The following PARD3B variants were observed in gnomAD, a reference collection of about 807,000 sequenced individuals.
PARD3B encodes partitioning defective 3 homolog B.
PARD3B carries 103 observed loss-of-function variants against 130.2 expected under a neutral mutation model. That is an observed-to-expected ratio of 0.79 (90% CI 0.67 to 0.93). The LOEUF is 0.93. PARD3B is among the 40% of genes least tolerant of loss of function. The pLI is 0.00. For synonymous variants in PARD3B, 583 were observed against 553.2 expected, an observed-to-expected ratio of 1.05 and a Z score of -0.76; for missense variants, 1,609 against 1,499.2, an observed-to-expected ratio of 1.07 and a Z score of -1.21.
At chr2:205,560,243 T>C (rs2106518618) in intron 22 of PARD3B, among the ~76,000 whole-genome samples, 1 of 152,346 alleles carries the variant, frequency 6.6e-6, no homozygotes, top group East Asian at 1.9e-4. Context: ...TATTTCTTAC[T>C]AAAATATAAG....
chr2:204,556,610 C>T (rs892200869), intron 1 of PARD3B, among the ~76,000 whole-genome samples: 4 of 152,208 alleles, frequency 2.6e-5, no homozygotes, highest in Non-Finnish European at 5.9e-5. Flanking sequence ...AAAAGTTGAG[C>T]GTAGCCTGGA....
At chr2:204,630,989 C>T (rs2034659342) in intron 1 of PARD3B, among the ~76,000 whole-genome samples, 1 of 151,870 alleles carries the variant, frequency 6.6e-6, no homozygotes, top group Non-Finnish European at 1.5e-5. Context: ...GTTATTTCTG[C>T]TAGCTTTGGG....
At chr2:204,862,236 G>A (rs565478209) in intron 2 of PARD3B, among the ~76,000 whole-genome samples, 1 of 152,250 alleles carries the variant, frequency 6.6e-6, no homozygotes, top group East Asian at 1.9e-4. Context: ...AAGTGCAGTG[G>A]AAACCTCTGG....
intron 2 of PARD3B, among the ~76,000 whole-genome samples, chr2:204,828,169 G>C (rs534360418): frequency 1.3e-5 from 2 of 152,144 alleles, no homozygotes; most frequent in Non-Finnish European, 2.9e-5. Context: ...TATTTCTGAT[G>C]CATCACAGTT....
chr2:205,610,641 G>A (rs979898001), intron 22 of PARD3B, among the ~76,000 whole-genome samples: 1 of 152,082 alleles, frequency 6.6e-6, no homozygotes. Flanking sequence ...GTACTCTGTA[G>A]GGCAACAGAG....
chr2:205,214,112 A>G (rs1226800796), intron 15 of PARD3B, among the ~76,000 whole-genome samples: 1 of 151,946 alleles, frequency 6.6e-6, no homozygotes, highest in East Asian at 1.9e-4. Context: ...CTCAAGAAGT[A>G]TGTGTTTTTA....
intron 2 of PARD3B, among the ~76,000 whole-genome samples, chr2:204,912,543 C>T (rs1286192234): frequency 1.3e-5 from 2 of 151,968 alleles, no homozygotes; most frequent in South Asian, 2.1e-4. Flanking sequence ...TTTAAAAGTG[C>T]GAAGTATACA....
chr2:204,928,860 C>G (rs1486180190), intron 2 of PARD3B, among the ~76,000 whole-genome samples: 2 of 152,108 alleles, frequency 1.3e-5, no homozygotes, highest in African/African-American at 4.8e-5. Context: ...AGCTGACCAA[C>G]TGACAAAATG....
chr2:204,654,763 A>G (rs984915421), intron 1 of PARD3B, among the ~76,000 whole-genome samples: 1 of 152,204 alleles, frequency 6.6e-6, no homozygotes, highest in African/African-American at 2.4e-5. Context: ...ATTTTGAAGC[A>G]TAATACTCAC....
At chr2:204,777,485 C>T (rs1026022037) in intron 2 of PARD3B, among the ~76,000 whole-genome samples, 5 of 152,166 alleles carry the variant, frequency 3.3e-5, no homozygotes, top group Admixed American at 3.3e-4. Flanking sequence ...AGATCATCAT[C>T]CTTCCAGGCA....
intron 10 of PARD3B, among the ~76,000 whole-genome samples, chr2:205,127,850 ACTTT>A (rs2031613193): frequency 6.6e-6 from 1 of 152,176 alleles, no homozygotes; most frequent in African/African-American, 2.4e-5. Context: ...ATCTCCTCAC[ACTTT>A]CTAGAGAAAT....
At chr2:204,629,491 C>T (rs542093837) in intron 1 of PARD3B, among the ~76,000 whole-genome samples, 1 of 152,286 alleles carries the variant, frequency 6.6e-6, no homozygotes, top group South Asian at 2.1e-4. Context: ...ATGATTACTG[C>T]TTCCATTTCT....
At chr2:204,706,317 A>G (rs541241752) in intron 2 of PARD3B, among the ~76,000 whole-genome samples, 26 of 151,748 alleles carry the variant, frequency 1.7e-4, no homozygotes, top group East Asian at 1.2e-3. Context: ...CAGTGAGCTA[A>G]GATCGCACCA....
chr2:204,741,429 G>A (rs1223660354), intron 2 of PARD3B, among the ~76,000 whole-genome samples: 2 of 152,056 alleles, frequency 1.3e-5, no homozygotes. Flanking sequence ...TGAACCAACA[G>A]AAATGTGTTA....
rs1340467451 is a variant in PARD3B, at chr2:205,458,701, TG to T, written c.3044+18030del. On this transcript the variant is annotated intron_variant, in intron 20 of 22. Transcript: ENST00000406610. The surrounding 1 kb of genome is among the most constrained non-coding windows in gnomAD (Gnocchi z 4.8). Reference sequence around the variant, plus strand: ...AATGTCACTATCTGAACTGTGGGTCTGTTCATATTGTTTGATTTTCTTCTTC... The same window carrying T: ...AATGTCACTATCTGAACTGTGGGTCTTTCATATTGTTTGATTTTCTTCTTC... 6.6e-6 allele frequency among the ~76,000 whole-genome samples: 1 copy of T among 152,214 alleles called. No individual in the cohort carries two copies. The highest frequency in any genetic ancestry group is 1.5e-5 in the Non-Finnish European group (1 of 68,040).
intron 1 of PARD3B, among the ~76,000 whole-genome samples, chr2:204,633,994 A>G (rs2034784822): frequency 6.6e-6 from 1 of 152,146 alleles, no homozygotes; most frequent in Non-Finnish European, 1.5e-5. Context: ...AAACAATACA[A>G]TTACACTCTT....
At chr2:205,210,377 C>G (rs1264760546) in intron 15 of PARD3B, among the ~76,000 whole-genome samples, 1 of 151,986 alleles carries the variant, frequency 6.6e-6, no homozygotes, top group Non-Finnish European at 1.5e-5. Flanking sequence ...AACAGTCTAA[C>G]CTAAACATTG....
At chr2:204,975,492 G>A (rs1692066465) in intron 3 of PARD3B, among the ~76,000 whole-genome samples, 1 of 152,134 alleles carries the variant, frequency 6.6e-6, no homozygotes, top group South Asian at 2.1e-4. Flanking sequence ...TTAACGGTAG[G>A]TGGTTAATAT....
At chr2:205,347,014 C>CT (rs1461152785) in intron 18 of PARD3B, among the ~76,000 whole-genome samples, 2 of 152,126 alleles carry the variant, frequency 1.3e-5, no homozygotes, top group Admixed American at 1.3e-4. Flanking sequence ...CTTGGGTTTT[C>CT]TTTTGTAAGC....
Sources: allele counts gnomAD v4.1 joint callset (sites outside exome capture counted in the v4.1 genomes callset), GRCh38; gene constraint gnomAD v4.1.1; non-coding constraint Gnocchi (gnomAD v3.1); transcripts MANE v1.5; gene names NCBI Gene and HGNC (gene_info 2026-07-23, HGNC 2026-07-21).